The following WDPCP variants were observed in gnomAD, a reference collection of about 807,000 sequenced individuals.
The protein encoded by WDPCP is WD repeat-containing and planar cell polarity effector protein fritz homolog.
WDPCP carries 71 observed loss-of-function variants against 93.1 expected under a neutral mutation model. That is an observed-to-expected ratio of 0.76 (90% confidence interval 0.63 to 0.93). WDPCP has a LOEUF of 0.93. Ranked by LOEUF, WDPCP falls within the 40% of genes least tolerant of loss-of-function variation. The pLI, the probability that WDPCP is intolerant of heterozygous loss-of-function variation, is 0.00. For synonymous variants in WDPCP, 315 were observed against 315.0 expected (o/e 1.00, Z 0.00); for missense variants, 844 against 887.4 (o/e 0.95, Z 0.62).
intron 9 of WDPCP, among the ~76,000 whole-genome samples, chr2:63,418,864 A>G (rs1695623867): frequency 1.3e-5 from 2 of 152,228 alleles, no homozygotes; most frequent in South Asian, 4.1e-4. Context: ...GCACAGAAAC[A>G]CAGGCAGTGA....
rs369856173 is a variant in WDPCP at position 63,693,408 on chromosome 2, A to G, written n.309-42570T>C. On this transcript the variant is annotated intron_variant and non_coding_transcript_variant, in intron 2 of 4. Coordinates refer to the WDPCP transcript ENST00000467687. ...TAAAAATATAACCAAGCAAAAGAAA[A>G]GATGGCTATAGACTACAGTAGATAT... 5.9e-5 allele frequency among the ~76,000 whole-genome samples: 9 copies of G among 151,954 alleles called. 1 individual carries two copies. The East Asian group carries it at 7.7e-4, about 13-fold the overall frequency.
At chr2:63,576,422 G>C (rs1376538419) in intron 1 of WDPCP, among the ~76,000 whole-genome samples, 1 of 152,160 alleles carries the variant, frequency 6.6e-6, no homozygotes. Flanking sequence ...TACTACAAAG[G>C]ATACAGATGA....
At chr2:63,166,856 G>GT (rs1673029907) in intron 15 of WDPCP, among the ~76,000 whole-genome samples, 1 of 151,654 alleles carries the variant, frequency 6.6e-6, no homozygotes, top group Non-Finnish European at 1.5e-5. Flanking sequence ...ACTGTTGACT[G>GT]TAATTACCCT....
At chr2:63,307,485 A>C (rs1394073368) in intron 13 of WDPCP, among the ~76,000 whole-genome samples, 1 of 152,238 alleles carries the variant, frequency 6.6e-6, no homozygotes, top group African/African-American at 2.4e-5. Context: ...CCTGACTTCA[A>C]ACTATACTAC....
At chr2:63,177,763 A>G (rs1418207278) in intron 14 of WDPCP, among the ~76,000 whole-genome samples, 1 of 152,072 alleles carries the variant, frequency 6.6e-6, no homozygotes, top group Non-Finnish European at 1.5e-5. Flanking sequence ...TGTTAAATAG[A>G]AGGGGTGAAA....
At position 63,404,191 on chromosome 2, in the gene WDPCP, A is replaced by T. The variant is rs537697456; in HGVS notation, c.1292T>A (p.Leu431Ter). 1 of 1,614,062 alleles carries T rather than the reference A, an allele frequency of 6.2e-7. No homozygotes were observed. The highest frequency in any genetic ancestry group is 1.3e-5 in the African/African-American group (1 of 75,048). The change falls in exon 10 of 18, where the codon TTA becomes TAA. Residue 431 changes from leucine to a stop codon, truncating the protein, a stop_gained. Transcript: ENST00000272321. LOFTEE classifies it high-confidence loss of function. The stretch of plus-strand genomic sequence containing the variant: ...AACAAGACTGCTGGAGGCATCAAAT[A>T]ATTTACTGAATTGCAGAGTCTCCCT... ...LPRETLQFSK[L>*]FDASSSLVQM...
At chr2:63,788,121 A>G (rs1170213324) in intron 2 of WDPCP, among the ~76,000 whole-genome samples, 1 of 152,332 alleles carries the variant, frequency 6.6e-6, no homozygotes, top group Non-Finnish European at 1.5e-5. Flanking sequence ...AATCTTGTAA[A>G]GAACTCATGA....
At chr2:63,789,163 T>C (rs1428327398) in intron 2 of WDPCP, among the ~76,000 whole-genome samples, 1 of 152,218 alleles carries the variant, frequency 6.6e-6, no homozygotes, top group East Asian at 1.9e-4. Flanking sequence ...ATAACAGAGA[T>C]GTGCCAGATA....
At chr2:63,490,649 A>T (rs1433763513) in intron 2 of WDPCP, among the ~76,000 whole-genome samples, 2 of 152,260 alleles carry the variant, frequency 1.3e-5, no homozygotes, top group East Asian at 3.9e-4. Flanking sequence ...GACTATTCTC[A>T]TGGGGCTACT....
intron 9 of WDPCP, among the ~76,000 whole-genome samples, chr2:63,413,178 A>G (rs1365582022): frequency 1.3e-5 from 2 of 152,228 alleles, no homozygotes; most frequent in Non-Finnish European, 2.9e-5. Flanking sequence ...ATATGCACAC[A>G]GGCCAATGGA....
At chr2:63,292,384 C>T (rs969513670) in intron 13 of WDPCP, among the ~76,000 whole-genome samples, 1 of 151,024 alleles carries the variant, frequency 6.6e-6, no homozygotes, top group African/African-American at 2.4e-5. Context: ...AAAAAAATCT[C>T]ACAACAGAAC....
intron 1 of WDPCP, among the ~76,000 whole-genome samples, chr2:63,509,073 C>T (rs1005704573): frequency 4.6e-5 from 7 of 152,136 alleles, no homozygotes; most frequent in African/African-American, 9.7e-5. Context: ...CACCTCTGGA[C>T]CAAGCGGACC....
At chr2:63,137,351 TTGTA>T (rs908914835) in intron 17 of WDPCP, among the ~76,000 whole-genome samples, 38 of 152,278 alleles carry the variant, frequency 2.5e-4, no homozygotes, top group African/African-American at 8.2e-4. Flanking sequence ...TGATTGTTGT[TTGTA>T]TGTATGATTC....
chr2:63,835,397 A>T, the WDPCP span, among the ~76,000 whole-genome samples: 1 of 150,876 alleles, frequency 6.6e-6, no homozygotes, highest in African/African-American at 2.4e-5. Context: ...CTCAAAAAAA[A>T]AAAAAAAAAA....
intron 6 of WDPCP, among the ~76,000 whole-genome samples, chr2:63,450,155 CCTT>C (rs1698138759): frequency 2.0e-5 from 3 of 152,298 alleles, no homozygotes; most frequent in South Asian, 4.1e-4. Context: ...AACCAGGACT[CCTT>C]CTTCCTTTCC....
At chr2:63,647,197 G>T (rs1470835228) in intron 3 of WDPCP, among the ~76,000 whole-genome samples, 1 of 152,086 alleles carries the variant, frequency 6.6e-6, no homozygotes, top group Non-Finnish European at 1.5e-5. Context: ...GAGTGCAATG[G>T]TGCAGTCTTG....
At chr2:63,266,507 A>G (rs1433345326) in intron 13 of WDPCP, among the ~76,000 whole-genome samples, 1 of 152,210 alleles carries the variant, frequency 6.6e-6, no homozygotes, top group Non-Finnish European at 1.5e-5. Context: ...AAGAAGACAC[A>G]AATAAATGGA....
chr2:63,343,460 C>A (rs1688990925), intron 12 of WDPCP, among the ~76,000 whole-genome samples: 1 of 152,138 alleles, frequency 6.6e-6, no homozygotes, highest in Non-Finnish European at 1.5e-5. Context: ...CAAAATACTT[C>A]TTACTTTCTG....
chr2:63,442,818 C>T (rs1419077727), intron 6 of WDPCP: 1 of 152,108 alleles, frequency 6.6e-6, no homozygotes, highest in East Asian at 1.9e-4. Context: ...ACAAAAACTG[C>T]TTTTTCTATG....
Sources: allele counts gnomAD v4.1 joint callset (sites outside exome capture counted in the v4.1 genomes callset), GRCh38; gene constraint gnomAD v4.1.1; transcripts MANE v1.5; gene names NCBI Gene and HGNC (gene_info 2026-07-23, HGNC 2026-07-21).